Variants in CASK observed in about 807,000 individuals in gnomAD.
CASK encodes calcium/calmodulin dependent serine protein kinase, also known as peripheral plasma membrane protein CASK.
A neutral mutation model predicts 82.9 loss-of-function variants in CASK; 4 were observed. That is an observed-to-expected ratio of 0.05 (90% CI 0.02 to 0.11). CASK has a LOEUF of 0.11. CASK is among the 10% of genes least tolerant of loss of function. CASK has a pLI of 1.00. For missense variants in CASK, 358 were observed against 720.9 expected, an observed-to-expected ratio of 0.50 and a Z score of 5.76; for synonymous variants, 259 against 253.5, an observed-to-expected ratio of 1.02 and a Z score of -0.20.
At chrX:41,661,922 C>T (rs1569377054) in intron 7 of CASK, among the ~76,000 whole-genome samples, 1 of 110,669 alleles carries the variant, frequency 9.0e-6, no homozygotes, top group Non-Finnish European at 1.9e-5. Flanking sequence ...TTTCCTCTCC[C>T]TATCCTGGAG....
chrX:41,673,750 AG>A (rs1356335466), intron 5 of CASK, among the ~76,000 whole-genome samples: 1 of 107,760 alleles, frequency 9.3e-6, no homozygotes, highest in Non-Finnish European at 1.9e-5. Context: ...CATGAGAGCA[AG>A]GGGCAGAGCG....
At chrX:41,665,597 C>T in intron 6 of CASK, 145 bp from the exon 7 acceptor site, 1 of 492,713 alleles carries the variant, frequency 2.0e-6, no homozygotes, top group Non-Finnish European at 3.4e-6. Context: ...TCCATAAAAT[C>T]AAGTTCACAT....
chrX:41,622,347 T>C (rs1299654640), intron 11 of CASK, among the ~76,000 whole-genome samples: 1 of 112,557 alleles, frequency 8.9e-6, no homozygotes, highest in Non-Finnish European at 1.9e-5. Context: ...GTATGTGAAA[T>C]TCAGATGTGA....
chrX:41,749,459 C>T (rs2068752150), intron 3 of CASK, among the ~76,000 whole-genome samples: 1 of 88,808 alleles, frequency 1.1e-5, no homozygotes, highest in Non-Finnish European at 2.2e-5. Flanking sequence ...CATCTCAGCT[C>T]ACTGCAACCT....
chrX:41,621,068 CTACTGA>C (rs1231241703), intron 11 of CASK, among the ~76,000 whole-genome samples: 1 of 109,928 alleles, frequency 9.1e-6, no homozygotes, highest in South Asian at 3.9e-4. Flanking sequence ...AGGAAAATCA[CTACTGA>C]TACATCCAAG....
intron 3 of CASK, among the ~76,000 whole-genome samples, chrX:41,780,395 C>T (rs1239782092): frequency 1.8e-5 from 2 of 111,484 alleles, no homozygotes; most frequent in Non-Finnish European, 3.8e-5. Context: ...TGTTGTATTA[C>T]CCCCATTTTA....
intron 9 of CASK, among the ~76,000 whole-genome samples, chrX:41,632,104 A>G (rs183097112): frequency 1.6e-4 from 18 of 110,594 alleles, no homozygotes; most frequent in South Asian, 3.9e-4. Flanking sequence ...CAAATTTTTT[A>G]TTTTTGTAGA....
At chrX:41,521,766 CAT>C (rs1296570150) in intron 26 of CASK, among the ~76,000 whole-genome samples, 3 of 112,170 alleles carry the variant, frequency 2.7e-5, no homozygotes, top group African/African-American at 9.7e-5. Flanking sequence ...CTTAAATATA[CAT>C]AGAGATAACG....
chrX:41,645,702 C>G (rs1036951988), intron 8 of CASK, among the ~76,000 whole-genome samples: 8 of 111,348 alleles, frequency 7.2e-5, no homozygotes, highest in Non-Finnish European at 1.3e-4. Flanking sequence ...ACCTAAAAAT[C>G]TCACCATTTC....
At chrX:41,564,891 A>G (rs1371834391) in intron 16 of CASK, among the ~76,000 whole-genome samples, 2 of 112,323 alleles carry the variant, frequency 1.8e-5, no homozygotes, top group Non-Finnish European at 3.8e-5. Flanking sequence ...TGTCTCTCAG[A>G]CCACAGAGCA....
intron 22 of CASK, 110 bp downstream of exon 22, chrX:41,542,581 T>C (rs181328427): frequency 9.7e-6 from 5 of 513,032 alleles, no homozygotes; most frequent in African/African-American, 7.0e-5. Flanking sequence ...AGATCTCATA[T>C]GGTAGAATTT....
At chrX:41,823,843 T>G (rs2070601489) in intron 2 of CASK, among the ~76,000 whole-genome samples, 2 of 111,303 alleles carry the variant, frequency 1.8e-5, no homozygotes, top group African/African-American at 6.5e-5. Context: ...TCATGATCAT[T>G]TTTTTTCATT....
At chrX:41,700,738 C>T (rs1163133001) in intron 5 of CASK, among the ~76,000 whole-genome samples, 3 of 106,457 alleles carry the variant, frequency 2.8e-5, no homozygotes, top group Non-Finnish European at 5.8e-5. Flanking sequence ...TGCCACCATG[C>T]CTGGCTAATT....
chrX:41,843,737 TGATA>T (rs991210226), intron 2 of CASK, among the ~76,000 whole-genome samples: 2 of 111,336 alleles, frequency 1.8e-5, no homozygotes, highest in Non-Finnish European at 3.8e-5. Flanking sequence ...TACTTCCTTC[TGATA>T]GATTTGCCTA....
At chrX:41,530,701 T>G (rs1402245130) in intron 25 of CASK, among the ~76,000 whole-genome samples, 3 of 112,155 alleles carry the variant, frequency 2.7e-5, no homozygotes, top group Non-Finnish European at 5.6e-5. Flanking sequence ...CATCCTGAGG[T>G]CAGATGATCG....
At position 41,516,805 on chromosome X, in the gene CASK, T is replaced by C. The variant is rs902341075; in HGVS notation, c.*3615A>G. On this transcript the variant is annotated 3_prime_UTR_variant, in exon 27 of 27. Coordinates refer to ENST00000378163, the MANE Select transcript of CASK (RefSeq NM_001367721.1). ...AGAATTTGTTAATCAAGCAGTTTTC[T>C]TGGTAGCTTTAGCAACACATTCTCT... is the stretch of plus-strand genomic sequence containing the variant. 4 of 110,851 alleles carry C rather than the reference T, an allele frequency of 3.6e-5. No homozygotes were observed. Among genetic ancestry groups the C allele is most frequent in the African/African-American group, 1.3e-4 (4 of 30,423 alleles). 9.1% of individuals were successfully genotyped at this position (110,851 alleles called of 1,213,427 possible).
chrX:41,676,442 C>T (rs1318938963), intron 5 of CASK: 16 of 1,196,693 alleles, frequency 1.3e-5, no homozygotes, highest in Admixed American at 2.2e-5. Flanking sequence ...GTCATCATAT[C>T]GCTCAGCCTG....
chrX:41,669,463 C>T (rs147158557), intron 6 of CASK, among the ~76,000 whole-genome samples: 2,794 of 111,312 alleles, frequency 0.025, 33 homozygotes, highest in South Asian at 0.041. Flanking sequence ...GAAACAAAGT[C>T]ATTATATATG....
intron 1 of CASK, among the ~76,000 whole-genome samples, chrX:41,885,801 T>C (rs1221546619): frequency 8.9e-6 from 1 of 111,976 alleles, no homozygotes; most frequent in Non-Finnish European, 1.9e-5. Flanking sequence ...TTCAGGGTTA[T>C]ACCCTAATGG....
Sources: gnomAD v4.1 joint callset for allele counts (sites outside exome capture counted in the v4.1 genomes callset) on GRCh38, gnomAD v4.1.1 for gene constraint, MANE v1.5 for transcripts, NCBI Gene and HGNC (gene_info 2026-07-23, HGNC 2026-07-21) for gene names.